The following STX5 variants were observed in gnomAD, a reference collection of about 807,000 sequenced individuals.
STX5 encodes the protein syntaxin-5.
A neutral mutation model predicts 42.9 loss-of-function variants in STX5; 15 were observed. That is an observed-to-expected ratio of 0.35 (90% CI 0.23 to 0.54). STX5 has a LOEUF of 0.54. Ranked by LOEUF, STX5 falls within the 20% of genes least tolerant of loss-of-function variation. The pLI is 0.91. For missense variants in STX5, 430 were observed against 455.0 expected, an observed-to-expected ratio of 0.95 and a Z score of 0.50; for synonymous variants, 184 against 173.2, an observed-to-expected ratio of 1.06 and a Z score of -0.49.
At chr11:62,822,758 T>C (rs2084753895) in intron 10 of STX5, among the ~76,000 whole-genome samples, 1 of 151,412 alleles carries the variant, frequency 6.6e-6, no homozygotes, top group South Asian at 2.1e-4. Context: ...ATCTCCCTAT[T>C]AGGATACACG....
chr11:62,824,199 T>C lies in STX5; in HGVS notation c.875A>G (p.His292Arg), dbSNP rs756401349. ...ELGSIFQQLA[H>R]MVKEQEETIQ... ...GGTTTCCTCCTGTTCCTTAACCATG[T>C]GTGCCAACTGCTGAAAGATGGAGCC... is the stretch of plus-strand genomic sequence containing the variant. Residue 292 changes from histidine to arginine, a missense_variant, in exon 10 of 11, where the codon CAC becomes CGC. His to Arg is a conservative substitution (Grantham distance 29). Coordinates refer to ENST00000294179, the MANE Select transcript of STX5 (RefSeq NM_003164.5). 9 of 1,614,086 alleles carry C rather than the reference T, an allele frequency of 5.6e-6. No homozygotes were observed. In the Admixed American group the frequency reaches 1.5e-4, roughly 27 times the overall value.
chr11:62,809,906 C>T (rs530327507), intron 10 of STX5, among the ~76,000 whole-genome samples: 6 of 150,844 alleles, frequency 4.0e-5, no homozygotes, highest in East Asian at 2.0e-4. Context: ...GTTTGAGACC[C>T]GCCTGACCAA....
intron 10 of STX5, among the ~76,000 whole-genome samples, chr11:62,812,139 G>A (rs2084624030): frequency 7.1e-6 from 1 of 141,574 alleles, no homozygotes. Context: ...GTGCAATGGT[G>A]CGATCTCAGC....
intron 2 of STX5, among the ~76,000 whole-genome samples, chr11:62,828,998 G>A (rs760834457): frequency 4.6e-5 from 7 of 151,008 alleles, no homozygotes; most frequent in Admixed American, 1.3e-4. Context: ...CAGAGGTGGA[G>A]GCTGCAGTGA....
At chr11:62,807,892 A>C in intron 10 of STX5, 1 of 490,670 alleles carries the variant, frequency 2.0e-6, no homozygotes. Flanking sequence ...GATAACCCAA[A>C]CCCTACCTTC....
intron 5 of STX5, 47 bp downstream of exon 5, chr11:62,827,108 A>G (rs1385588409): frequency 6.4e-7 from 1 of 1,568,434 alleles, no homozygotes; most frequent in Non-Finnish European, 8.8e-7. Context: ...GGAAGACAGA[A>G]GTGATCTGAT....
In STX5 at chr11:62,815,521, G is replaced by C. The variant is rs150297272; in HGVS notation, c.909-7893C>G. ...AGGAAATCGCTAATTTTCATAGATA[G>C]GATAACGGCGTGGTTTTTTTTTTTT... On this transcript the variant is annotated intron_variant, in intron 10 of 10. Transcript: ENST00000294179. Among the ~76,000 whole-genome samples, 15 of 150,984 alleles carry C rather than the reference G, an allele frequency of 9.9e-5. 1 individual carries two copies. In the East Asian group the frequency reaches 2.9e-3, roughly 29 times the overall value.
chr11:62,824,907 TGA>T, intron 8 of STX5, 127 bp downstream of exon 8: 1 of 895,722 alleles, frequency 1.1e-6, no homozygotes, highest in East Asian at 2.6e-5. Flanking sequence ...GTTTGGCCTC[TGA>T]GAGATAAAGC....
intron 9 of STX5, 80 bp from the exon 10 acceptor site, chr11:62,824,367 G>A: frequency 6.2e-7 from 1 of 1,612,482 alleles, no homozygotes; most frequent in Non-Finnish European, 8.5e-7. Flanking sequence ...CTCCCAGCTT[G>A]CCATTCTGCC....
rs1437869307 is a variant in STX5, at chr11:62,817,598, G to C, written c.908+6568C>G. 3.3e-5 allele frequency among the ~76,000 whole-genome samples: 5 copies of C among 152,250 alleles called. No homozygotes were observed. The South Asian group carries it at 1.0e-3, about 32-fold the overall frequency. On this transcript the variant is annotated intron_variant, in intron 10 of 10. Coordinates refer to ENST00000294179, the MANE Select transcript of STX5 (RefSeq NM_003164.5). Reference sequence around the variant, plus strand: ...AGGGAACTGTGACCCATACAGAAGAGAAAAGGCAATGAATGGCCCCATCCC... The same window carrying C: ...AGGGAACTGTGACCCATACAGAAGACAAAAGGCAATGAATGGCCCCATCCC...
chr11:62,825,186 C>T, intron 7 of STX5, 69 bp from the exon 8 acceptor site: 1 of 1,611,250 alleles, frequency 6.2e-7, no homozygotes, highest in Non-Finnish European at 8.5e-7. Flanking sequence ...AGACTCCCAC[C>T]ATTGGCCCCA....
chr11:62,812,163 C>A (rs1355704506), intron 10 of STX5, among the ~76,000 whole-genome samples: 1 of 150,476 alleles, frequency 6.6e-6, no homozygotes, highest in Non-Finnish European at 1.5e-5. Context: ...CAGCAACCTC[C>A]GCCTCCCGGG....
intron 10 of STX5, chr11:62,816,206 T>A (rs887116288): frequency 6.6e-6 from 1 of 152,194 alleles, no homozygotes; most frequent in Admixed American, 6.5e-5. Context: ...GGCCAACTGT[T>A]AACTGTTGAA....
intron 10 of STX5, among the ~76,000 whole-genome samples, chr11:62,814,882 C>T (rs2084656725): frequency 1.3e-5 from 2 of 152,168 alleles, no homozygotes; most frequent in African/African-American, 4.8e-5. Context: ...GTGTGAGCCA[C>T]TATGCCTGGC....
At chr11:62,824,676 G>T in intron 8 of STX5, 111 bp from the exon 9 acceptor site, 3 of 1,016,156 alleles carry the variant, frequency 3.0e-6, no homozygotes, top group South Asian at 2.8e-5. Flanking sequence ...TGTGACCCTG[G>T]ACAGGTCATT....
chr11:62,809,740 T>C (rs544981438), intron 10 of STX5, among the ~76,000 whole-genome samples: 1 of 146,790 alleles, frequency 6.8e-6, no homozygotes, highest in African/African-American at 2.5e-5. Context: ...GCCTTATTAT[T>C]AGCATGCTGT....
intron 10 of STX5, among the ~76,000 whole-genome samples, chr11:62,811,686 GTC>G (rs1462738273): frequency 6.6e-6 from 1 of 150,540 alleles, no homozygotes; most frequent in Non-Finnish European, 1.5e-5. Context: ...TAGACACGGG[GTC>G]TCTGTGTTGC....
chr11:62,827,611 C>T lies in STX5; in HGVS notation c.246G>A (p.Lys82=), dbSNP rs1565215619. 1 of 1,614,206 alleles carries T rather than the reference C, an allele frequency of 6.2e-7. No homozygotes were observed. The highest frequency in any genetic ancestry group is 1.3e-5 in the African/African-American group (1 of 75,058). ...GTTGTCGGACAGCACGCAAAGCTGG[C>T]TTATTTGTCTGGATTCCATTCTGAA... ...QTRQNGIQTN[K]PALRAVRQRS... Residue 82 remains lysine (K), a synonymous_variant, in exon 3 of 11, where the codon AAG becomes AAA. Transcript: ENST00000294179.
At chr11:62,828,509 G>A (rs1372946061) in intron 2 of STX5, among the ~76,000 whole-genome samples, 1 of 151,830 alleles carries the variant, frequency 6.6e-6, no homozygotes, top group African/African-American at 2.4e-5. Flanking sequence ...GGCGGATCAC[G>A]AGGTCAAGAG....
Sources: allele counts gnomAD v4.1 joint callset (sites outside exome capture counted in the v4.1 genomes callset), GRCh38; gene constraint gnomAD v4.1.1; transcripts MANE v1.5; gene names NCBI Gene and HGNC (gene_info 2026-07-23, HGNC 2026-07-21).